The following OPCML variants were observed in gnomAD, a reference collection of about 807,000 sequenced individuals.
OPCML encodes the protein opioid binding protein/cell adhesion molecule like.
A neutral mutation model predicts 37.8 loss-of-function variants in OPCML; 13 were observed. The observed-to-expected ratio is 0.34, with a 90% CI of 0.22 to 0.55. The LOEUF (loss-of-function observed/expected upper bound fraction) is 0.55, where lower values mean the gene tolerates loss of function less well. OPCML is among the 20% of genes least tolerant of loss of function. The probability of loss-of-function intolerance (pLI) is 0.91; values close to 1 mark genes in which losing one functional copy is unlikely to be tolerated. For synonymous variants in OPCML, 176 were observed against 168.8 expected (o/e 1.04, Z -0.33); for missense variants, 341 against 435.6 (o/e 0.78, Z 1.93).
chr11:133,039,821 A>G (rs1169639116), intron 1 of OPCML, among the ~76,000 whole-genome samples: 1 of 152,104 alleles, frequency 6.6e-6, no homozygotes, highest in East Asian at 1.9e-4. Context: ...CGAGGTCAGG[A>G]GTTTGAGACC....
chr11:133,078,266 G>A (rs1948653955), intron 1 of OPCML, among the ~76,000 whole-genome samples: 1 of 152,120 alleles, frequency 6.6e-6, no homozygotes, highest in African/African-American at 2.4e-5. Flanking sequence ...GATAAACATG[G>A]GGCTGAGTGA....
At chr11:132,513,869 T>G (rs1221008121) in intron 4 of OPCML, among the ~76,000 whole-genome samples, 2 of 152,226 alleles carry the variant, frequency 1.3e-5, no homozygotes, top group African/African-American at 2.4e-5. Flanking sequence ...TCTGAGCCTT[T>G]CACTAAACTT....
At chr11:132,888,280 G>T (rs1011708651) in intron 2 of OPCML, among the ~76,000 whole-genome samples, 3 of 152,162 alleles carry the variant, frequency 2.0e-5, no homozygotes, top group African/African-American at 7.2e-5. Flanking sequence ...GGACAGACAG[G>T]AATCATTCCA....
chr11:133,486,682 A>G (rs1259750325), intron 1 of OPCML, among the ~76,000 whole-genome samples: 2 of 152,084 alleles, frequency 1.3e-5, no homozygotes, highest in Non-Finnish European at 2.9e-5. Context: ...ACTAGCACAC[A>G]CTACTTTGAA....
At chr11:132,539,417 A>G (rs2096349741) in intron 3 of OPCML, among the ~76,000 whole-genome samples, 1 of 152,230 alleles carries the variant, frequency 6.6e-6, no homozygotes, top group Non-Finnish European at 1.5e-5. Context: ...AAGCGCAGGT[A>G]GAGCCCAGAA....
intron 1 of OPCML, among the ~76,000 whole-genome samples, chr11:133,489,604 A>C (rs551343647): frequency 6.6e-6 from 1 of 152,258 alleles, no homozygotes; most frequent in African/African-American, 2.4e-5. Context: ...GCAGAGACTA[A>C]AAAATGCTTA....
In OPCML at chr11:133,208,381, G is replaced by T. The variant is rs1290997258; in HGVS notation, c.62-265371C>A. ...GGGCAGCTGGGGCATGGTAGAAAGGGCCATAGGTTAGGATTTTATAACTCT... is the reference window on the plus strand; with the variant it reads ...GGGCAGCTGGGGCATGGTAGAAAGGTCCATAGGTTAGGATTTTATAACTCT... On this transcript the variant is annotated intron_variant, in intron 1 of 7. Transcript: ENST00000524381. This position sits in a 1 kb window ranked among gnomAD's most constrained non-coding sequence, Gnocchi z 8.9. 6.6e-6 allele frequency among the ~76,000 whole-genome samples: 1 copy of T among 152,174 alleles called. No homozygotes were observed. The highest frequency in any genetic ancestry group is 6.5e-5 in the Admixed American group (1 of 15,272).
intron 3 of OPCML, among the ~76,000 whole-genome samples, chr11:132,613,354 C>T (rs1938783370): frequency 6.6e-6 from 1 of 152,228 alleles, no homozygotes; most frequent in South Asian, 2.1e-4. Context: ...CCTCACTGAA[C>T]TTTAAATCAA....
chr11:133,067,791 A>G (rs1948463065), intron 1 of OPCML: 1 of 152,142 alleles, frequency 6.6e-6, no homozygotes, highest in African/African-American at 2.4e-5. Context: ...CAACCCTGAC[A>G]TGGCTCATGC....
chr11:133,280,480 T>C (rs964891701), intron 1 of OPCML, among the ~76,000 whole-genome samples: 6 of 152,318 alleles, frequency 3.9e-5, no homozygotes, highest in Middle Eastern at 3.4e-3. Flanking sequence ...AACACTTCAT[T>C]AGGGACACCT....
At chr11:132,799,361 T>C (rs1360797252) in intron 2 of OPCML, among the ~76,000 whole-genome samples, 2 of 152,154 alleles carry the variant, frequency 1.3e-5, no homozygotes, top group African/African-American at 4.8e-5. Context: ...ATGAACCAAC[T>C]TCTGCTAGCT....
chr11:133,526,753 G>C (rs1722827029), intron 1 of OPCML, among the ~76,000 whole-genome samples: 1 of 152,180 alleles, frequency 6.6e-6, no homozygotes, highest in Admixed American at 6.5e-5. Flanking sequence ...CAGATAAGTA[G>C]CAAGTTGTAA....
intron 1 of OPCML, among the ~76,000 whole-genome samples, chr11:133,221,635 T>A (rs769295859): frequency 2.6e-5 from 4 of 152,000 alleles, no homozygotes; most frequent in Non-Finnish European, 5.9e-5. Flanking sequence ...GAACAGGAAG[T>A]GAGGGGTGCA....
chr11:133,310,707 T>C (rs1159171640), intron 1 of OPCML, among the ~76,000 whole-genome samples: 2 of 152,018 alleles, frequency 1.3e-5, no homozygotes, highest in Non-Finnish European at 2.9e-5. Context: ...CCACCCAGGG[T>C]TCAGGTGGAA....
At chr11:133,273,001 G>C (rs1941894727) in intron 1 of OPCML, among the ~76,000 whole-genome samples, 1 of 152,158 alleles carries the variant, frequency 6.6e-6, no homozygotes, top group African/African-American at 2.4e-5. Context: ...TTGACCTGCT[G>C]CTGAGAGAGT....
intron 1 of OPCML, among the ~76,000 whole-genome samples, chr11:133,239,317 C>T (rs1005008375): frequency 6.6e-6 from 1 of 152,228 alleles, no homozygotes; most frequent in Non-Finnish European, 1.5e-5. Flanking sequence ...TGGAAATGAA[C>T]AGTCTTAGCT....
chr11:133,057,118 C>T (rs1948255064), intron 1 of OPCML, among the ~76,000 whole-genome samples: 1 of 152,246 alleles, frequency 6.6e-6, no homozygotes, highest in Admixed American at 6.5e-5. Flanking sequence ...GCTGGGATTA[C>T]AGGCGTGAGC....
intron 2 of OPCML, among the ~76,000 whole-genome samples, chr11:132,714,886 G>C (rs1159185143): frequency 2.6e-5 from 4 of 152,174 alleles, no homozygotes; most frequent in Non-Finnish European, 5.9e-5. Flanking sequence ...AGAGCTCTGA[G>C]GGTGATCTGA....
intron 4 of OPCML, among the ~76,000 whole-genome samples, chr11:132,442,994 G>A (rs555653208): frequency 3.0e-4 from 46 of 152,288 alleles, no homozygotes; most frequent in Middle Eastern, 3.4e-3. Context: ...AAAAAACTTG[G>A]TGTTGAGGCA....
Sources: allele counts gnomAD v4.1 joint callset (sites outside exome capture counted in the v4.1 genomes callset), GRCh38; gene constraint gnomAD v4.1.1; non-coding constraint Gnocchi (gnomAD v3.1); transcripts MANE v1.5; gene names NCBI Gene and HGNC (gene_info 2026-07-23, HGNC 2026-07-21).